SPATS2L: variants seen among roughly 807,000 people sequenced by gnomAD.
SPATS2L encodes spermatogenesis associated serine rich 2 like, also known as SPATS2-like protein.
Under a neutral mutation model 59.6 loss-of-function variants are expected in SPATS2L, and 30 were observed. The ratio of observed to expected loss-of-function variants is 0.50; its 90% confidence interval spans 0.38 to 0.68. SPATS2L has a LOEUF of 0.68. SPATS2L is among the 30% of genes least tolerant of loss of function. The pLI, the probability that SPATS2L is intolerant of heterozygous loss-of-function variation, is 0.00. For synonymous variants in SPATS2L, 252 were observed against 263.5 expected (o/e 0.96, Z 0.42); for missense variants, 615 against 700.0 (o/e 0.88, Z 1.37).
Position 200,477,421 on chromosome 2 carries a change from C to A in SPATS2L, c.1282-215C>A, listed in dbSNP as rs1034950822. On this transcript the variant is annotated intron_variant, in intron 12 of 12. Coordinates refer to ENST00000409140, the MANE Select transcript of SPATS2L (RefSeq NM_001100423.2). ...ACCTCTCTTTCAATATCATTTTCTT[C>A]CAGTTCCATTTACAAAACAGTCCAC... Among the ~76,000 whole-genome samples the A allele has an allele frequency of 3.3e-5, 5 of 150,702 alleles. No homozygotes were observed. The East Asian group carries it at 9.8e-4, about 29-fold the overall frequency.
chr2:200,343,622 A>G (rs561411163), intron 2 of SPATS2L, among the ~76,000 whole-genome samples: 2 of 152,318 alleles, frequency 1.3e-5, no homozygotes, highest in African/African-American at 4.8e-5. Context: ...GATATGTGGA[A>G]AGGTTTTAGC....
At chr2:200,433,366 T>G (rs992980798) in intron 6 of SPATS2L, among the ~76,000 whole-genome samples, 11 of 152,064 alleles carry the variant, frequency 7.2e-5, no homozygotes, top group African/African-American at 2.2e-4. Flanking sequence ...CCCAACAATT[T>G]CAAGAGAACA....
At chr2:200,355,578 T>A (rs1261848086) in intron 2 of SPATS2L, among the ~76,000 whole-genome samples, 1 of 152,240 alleles carries the variant, frequency 6.6e-6, no homozygotes, top group African/African-American at 2.4e-5. Flanking sequence ...TCTTCACAGC[T>A]GCTTTACAGA....
intron 2 of SPATS2L, chr2:200,373,270 C>CAAAAAAAAAAAAAAAAAA (rs3856514): frequency 1.9e-5 from 2 of 106,036 alleles, no homozygotes; most frequent in Non-Finnish European, 3.7e-5. Flanking sequence ...ACTGCCTTAA[C>CAAAAAAAAAAAAAAAAAA]AAAAAAAAAA....
At chr2:200,332,180 G>C (rs1574417117) in intron 2 of SPATS2L, among the ~76,000 whole-genome samples, 2 of 120,294 alleles carry the variant, frequency 1.7e-5, no homozygotes, top group Middle Eastern at 4.3e-3. Flanking sequence ...GAGGGAGAGG[G>C]AGAGACAGAG....
chr2:200,368,088 G>T (rs919929469), intron 2 of SPATS2L, among the ~76,000 whole-genome samples: 1 of 152,188 alleles, frequency 6.6e-6, no homozygotes, highest in African/African-American at 2.4e-5. Context: ...GAAGGGAAAT[G>T]AGCTTTTTCA....
At chr2:200,349,526 T>C (rs2105840356) in intron 2 of SPATS2L, among the ~76,000 whole-genome samples, 1 of 152,342 alleles carries the variant, frequency 6.6e-6, no homozygotes, top group Admixed American at 6.5e-5. Context: ...TAATCTCAGC[T>C]ACTTGGAAGT....
chr2:200,411,433 C>T (rs192537741), intron 3 of SPATS2L, among the ~76,000 whole-genome samples: 24 of 152,254 alleles, frequency 1.6e-4, no homozygotes, highest in African/African-American at 5.1e-4. Flanking sequence ...ATTTGAAGAC[C>T]GTACAGTGCT....
chr2:200,399,555 T>G (rs190098662), intron 3 of SPATS2L, among the ~76,000 whole-genome samples: 1 of 149,744 alleles, frequency 6.7e-6, no homozygotes, highest in Admixed American at 6.7e-5. Context: ...GTTTTAATTC[T>G]TTTTTACTGC....
chr2:200,306,310 T>C (rs2079009093), upstream of SPATS2L: 13 of 1,002,298 alleles, frequency 1.3e-5, no homozygotes, highest in Non-Finnish European at 1.6e-5. Context: ...AAGATGATTC[T>C]CTTGCAACAC....
At chr2:200,357,743 TC>T (rs138044630) in intron 2 of SPATS2L, among the ~76,000 whole-genome samples, 2,119 of 152,274 alleles carry the variant, frequency 0.014, 51 homozygotes, top group African/African-American at 0.045. Context: ...CAATCTGCAT[TC>T]AAGTAGACTA....
chr2:200,330,775 G>A (rs1474086095), intron 2 of SPATS2L, among the ~76,000 whole-genome samples: 5 of 152,168 alleles, frequency 3.3e-5, no homozygotes, highest in South Asian at 4.1e-4. Flanking sequence ...TCATATTTTT[G>A]TCAGGAGAAT....
At chr2:200,429,821 A>G (rs1217370156) in intron 6 of SPATS2L, among the ~76,000 whole-genome samples, 1 of 152,122 alleles carries the variant, frequency 6.6e-6, no homozygotes, top group Non-Finnish European at 1.5e-5. Flanking sequence ...GTAGGGCAAG[A>G]AGAGTAGATC....
intron 2 of SPATS2L, among the ~76,000 whole-genome samples, chr2:200,335,922 A>G (rs187595480): frequency 6.6e-6 from 1 of 152,292 alleles, no homozygotes; most frequent in Admixed American, 6.5e-5. Flanking sequence ...TGAGCAAAGA[A>G]TGGGAGTGCC....
rs2087746224 is a variant in SPATS2L at position 200,480,283 on chromosome 2, C to G, written c.*2252C>G. 2.0e-5 allele frequency: 3 copies of G among 150,780 alleles called. No homozygotes were observed. In the South Asian group the frequency reaches 6.3e-4, roughly 31 times the overall value. 9.3% of individuals were successfully genotyped at this position (150,780 alleles called of 1,614,324 possible). ...ACACTCCCATGTCACTGAAAAGAAA[C>G]AAAAGAATGCTAAAAAGTGCTCAGA... On this transcript the variant is annotated 3_prime_UTR_variant, in exon 13 of 13. Transcript: ENST00000409140.
chr2:200,457,223 TACACACACACAC>T (rs4035249), intron 8 of SPATS2L, among the ~76,000 whole-genome samples: 23 of 148,010 alleles, frequency 1.6e-4, no homozygotes, highest in East Asian at 1.0e-3. Flanking sequence ...AAAACATACA[TACACACACACAC>T]ACACACACAC....
chr2:200,331,327 A>G (rs2079935765), intron 2 of SPATS2L, among the ~76,000 whole-genome samples: 1 of 152,246 alleles, frequency 6.6e-6, no homozygotes, highest in Admixed American at 6.5e-5. Flanking sequence ...TTGGGTATCC[A>G]CTGAATCCCT....
chr2:200,315,404 A>C (rs1031049679), intron 1 of SPATS2L, among the ~76,000 whole-genome samples: 2 of 152,178 alleles, frequency 1.3e-5, no homozygotes, highest in African/African-American at 4.8e-5. Flanking sequence ...GATTTGAGGT[A>C]GACAGGAGGA....
chr2:200,457,253 CACACA>C (rs2085909300), intron 8 of SPATS2L, among the ~76,000 whole-genome samples: 1 of 144,302 alleles, frequency 6.9e-6, no homozygotes, highest in South Asian at 2.2e-4. Flanking sequence ...CACACACACA[CACACA>C]CAGATGCCTC....
Sources: allele counts gnomAD v4.1 joint callset (sites outside exome capture counted in the v4.1 genomes callset), GRCh38; gene constraint gnomAD v4.1.1; transcripts MANE v1.5; gene names NCBI Gene and HGNC (gene_info 2026-07-23, HGNC 2026-07-21).